The following HK1 variants were observed in gnomAD, a reference collection of about 807,000 sequenced individuals.
HK1 encodes hexokinase-1.
A neutral mutation model predicts 91.6 loss-of-function variants in HK1; 28 were observed. That is an observed-to-expected ratio of 0.31 (90% CI 0.23 to 0.42). The LOEUF is 0.42. Ranked by LOEUF, HK1 falls within the 10% of genes least tolerant of loss-of-function variation. HK1 has a pLI of 1.00. For synonymous variants in HK1, 430 were observed against 468.1 expected, an observed-to-expected ratio of 0.92 and a Z score of 1.05; for missense variants, 770 against 1,219.8, an observed-to-expected ratio of 0.63 and a Z score of 5.49.
At chr10:69,344,963 C>T (rs1197247722) in intron 2 of HK1, among the ~76,000 whole-genome samples, 2 of 151,868 alleles carry the variant, frequency 1.3e-5, no homozygotes, top group East Asian at 3.8e-4. Flanking sequence ...TTTCACACAC[C>T]CCTGCGATTT....
At chr10:69,307,374 A>G (rs1411350096) in intron 5 of HK1, among the ~76,000 whole-genome samples, 1 of 152,100 alleles carries the variant, frequency 6.6e-6, no homozygotes, top group Non-Finnish European at 1.5e-5. Flanking sequence ...AATTCCCCTT[A>G]TAAAGGAACT....
At chr10:69,338,317 C>G (rs1848103662) in intron 1 of HK1, 1 of 1,182,938 alleles carries the variant, frequency 8.5e-7, no homozygotes, top group Non-Finnish European at 1.1e-6. Context: ...AGGCAAGAGT[C>G]TGAGGGACCC....
chr10:69,286,552 T>A (rs1845041088), intron 2 of HK1, among the ~76,000 whole-genome samples: 1 of 143,618 alleles, frequency 7.0e-6, no homozygotes. Flanking sequence ...CACGCTTTAC[T>A]TTTTTTTTTT....
intron 1 of HK1, 61 bp from the exon 2 acceptor site, chr10:69,343,766 G>A: frequency 7.5e-7 from 1 of 1,331,122 alleles, no homozygotes; most frequent in Non-Finnish European, 1.1e-6. Flanking sequence ...GCGGGTGGGT[G>A]CCTCACCTTG....
intron 2 of HK1, among the ~76,000 whole-genome samples, chr10:69,284,298 A>T (rs1844910447): frequency 6.6e-6 from 1 of 152,204 alleles, no homozygotes; most frequent in African/African-American, 2.4e-5. Context: ...GGAAAATAGA[A>T]CTTATGAGGA....
chr10:69,293,925 G>A lies in HK1; in HGVS notation c.-114-1708G>A, dbSNP rs1415802259. On this transcript the variant is annotated intron_variant, in intron 3 of 21. Transcript: ENST00000360289. ...GGCTCAGGCTGGAGTGCAGTGGCGT[G>A]ATCTCGGCTCACTGCAAGCTCCGCC... Among the ~76,000 whole-genome samples the A allele has an allele frequency of 4.1e-4, 57 of 138,066 alleles. 1 individual carries two copies. The highest frequency in any genetic ancestry group is 8.3e-5 in the Admixed American group (1 of 12,042). 90.6% of individuals were successfully genotyped at this position (138,066 alleles called of 152,430 possible). A position where few individuals can be genotyped will look rare whatever the true frequency, so the allele number is the denominator to read the frequency against.
At chr10:69,367,020 G>A (rs1000877442) in intron 4 of HK1, among the ~76,000 whole-genome samples, 6 of 152,192 alleles carry the variant, frequency 3.9e-5, no homozygotes, top group African/African-American at 1.4e-4. Flanking sequence ...AGTAGGTCCC[G>A]TAACAGCAGA....
chr10:69,323,627 A>G (rs16926245), intron 1 of HK1, among the ~76,000 whole-genome samples: 5,492 of 151,934 alleles, frequency 0.036, 154 homozygotes, highest in African/African-American at 0.082. Context: ...GTGAATCTTG[A>G]CTTTATAATC....
Position 69,392,261 on chromosome 10 carries a change from C to T in HK1, c.2172C>T (p.His724=). The stretch of plus-strand genomic sequence containing the variant: ...GGTGTCTGGATGATATCAGGACACA[C>T]TACGACAGACTGGTGGACGAATATT... ...DNGCLDDIRT[H]YDRLVDEYSL... Residue 724 remains histidine (H), a synonymous_variant, in exon 15 of 18, where the codon CAC becomes CAT. Transcript: ENST00000359426. 2 of 1,614,224 alleles carry T rather than the reference C, an allele frequency of 1.2e-6. No homozygotes were observed. Among genetic ancestry groups the T allele is most frequent in the Non-Finnish European group, 1.7e-6 (2 of 1,180,042 alleles).
exon 3 of HK1, chr10:69,288,762 C>A (rs779250530): frequency 1.9e-6 from 3 of 1,613,334 alleles, no homozygotes; most frequent in South Asian, 1.1e-5. Flanking sequence ...GATCTGCCAG[C>A]GAGAATCGGT....
chr10:69,292,396 G>A (rs1349242835), intron 3 of HK1: 3 of 442,222 alleles, frequency 6.8e-6, no homozygotes, highest in Admixed American at 2.5e-5. Context: ...ATGTGAGGTA[G>A]GACAAGAAGT....
chr10:69,340,745 A>C (rs564588254), intron 1 of HK1, among the ~76,000 whole-genome samples: 24 of 152,246 alleles, frequency 1.6e-4, no homozygotes, highest in African/African-American at 4.1e-4. Flanking sequence ...TTCTCCACGC[A>C]GCAGACACAC....
intron 3 of HK1, among the ~76,000 whole-genome samples, chr10:69,362,871 T>TCAGCCTAAGATGCCAGCTGCTCTG (rs1849505310): frequency 6.6e-6 from 1 of 152,218 alleles, no homozygotes; most frequent in African/African-American, 2.4e-5. Flanking sequence ...ATGTGTCAAC[T>TCAGCCTAAGATGCCAGCTGCTCTG]CAGCCTAAGA....
chr10:69,376,798 A>T, intron 7 of HK1, 136 bp from the exon 8 acceptor site: 1 of 1,091,792 alleles, frequency 9.2e-7, no homozygotes, highest in Non-Finnish European at 1.4e-6. Context: ...ACTCAAGCAC[A>T]TGGTTTTGCC....
At chr10:69,339,252 C>T (rs1481215053) in intron 1 of HK1, among the ~76,000 whole-genome samples, 1 of 152,232 alleles carries the variant, frequency 6.6e-6, no homozygotes, top group African/African-American at 2.4e-5. Flanking sequence ...CCTGGCTGGG[C>T]AGTGTGGCAG....
intron 1 of HK1, among the ~76,000 whole-genome samples, chr10:69,325,348 G>C (rs1270110171): frequency 2.7e-5 from 4 of 150,346 alleles, no homozygotes; most frequent in African/African-American, 7.4e-5. Context: ...ACCACACCCG[G>C]CCATGTATTT....
intron 14 of HK1, 50 bp from the exon 15 acceptor site, chr10:69,392,075 A>ACCCCCAAATGCAAGG: frequency 6.2e-7 from 1 of 1,605,112 alleles, no homozygotes; most frequent in Non-Finnish European, 8.5e-7. Flanking sequence ...CAGTTGCAAG[A>ACCCCCAAATGCAAGG]CCCCCAAATG....
intron 5 of HK1, among the ~76,000 whole-genome samples, chr10:69,307,076 G>A (rs974180996): frequency 6.6e-6 from 1 of 152,156 alleles, no homozygotes; most frequent in Non-Finnish European, 1.5e-5. Context: ...ACTGAGTTTC[G>A]GGTGCCCATG....
intron 2 of HK1, among the ~76,000 whole-genome samples, chr10:69,283,520 C>T (rs576920227): frequency 2.0e-5 from 3 of 150,746 alleles, no homozygotes; most frequent in East Asian, 3.9e-4. Context: ...GTGGTTCATG[C>T]CTGTAATCCT....
Sources: gnomAD v4.1 joint callset for allele counts (sites outside exome capture counted in the v4.1 genomes callset) on GRCh38, gnomAD v4.1.1 for gene constraint, MANE v1.5 for transcripts, NCBI Gene and HGNC (gene_info 2026-07-23, HGNC 2026-07-21) for gene names.